XDH: variants seen among roughly 807,000 people sequenced by gnomAD.
XDH encodes the protein xanthine dehydrogenase/oxidase.
Under a neutral mutation model 156.1 loss-of-function variants are expected in XDH, and 138 were observed. The ratio of observed to expected loss-of-function variants is 0.88; its 90% confidence interval spans 0.77 to 1.02. The LOEUF (loss-of-function observed/expected upper bound fraction) is 1.02, where lower values mean the gene tolerates loss of function less well. XDH is among the 50% of genes least tolerant of loss of function. XDH has a pLI of 0.00. For synonymous variants in XDH, 669 were observed against 625.7 expected (o/e 1.07, Z -1.03); for missense variants, 1,849 against 1,684.9 (o/e 1.10, Z -1.71).
intron 7 of XDH, 81 bp from the exon 8 acceptor site, chr2:31,387,978 C>T (rs1051411010): frequency 6.9e-7 from 1 of 1,454,950 alleles, no homozygotes; most frequent in Admixed American, 2.0e-5. Flanking sequence ...CCTTTCCTTC[C>T]AGCAAGCTCA....
intron 4 of XDH, 26 bp from the exon 5 acceptor site, chr2:31,398,725 C>A (rs2148004182): frequency 6.2e-7 from 1 of 1,612,770 alleles, no homozygotes; most frequent in Non-Finnish European, 8.5e-7. Context: ...GACATAGACA[C>A]CTGGGATGGC....
Position 31,366,099 on chromosome 2 carries a change from G to T in XDH, c.2333C>A (p.Ala778Glu). Reference sequence around the variant, plus strand: ...GTTTGCTGGAACCCCCAACATTTTTGCAACAAAGCTCTGTGAGTGAAAGAC... The same window carrying T: ...GTTTGCTGGAACCCCCAACATTTTTTCAACAAAGCTCTGTGAGTGAAAGAC... ...QNTMKTQSFV[A>E]KMLGVPANRI... Residue 778 changes from alanine (A) to glutamate (E), a missense_variant, in exon 22 of 36, where the codon GCA becomes GAA. Transcript: ENST00000379416. 6.2e-7 allele frequency: 1 copy of T among 1,614,148 alleles called. No homozygotes were observed. Among genetic ancestry groups the T allele is most frequent in the Non-Finnish European group, 8.5e-7 (1 of 1,180,016 alleles).
intron 23 of XDH, among the ~76,000 whole-genome samples, chr2:31,364,690 T>C (rs924424167): frequency 6.6e-6 from 1 of 152,184 alleles, no homozygotes; most frequent in African/African-American, 2.4e-5. Context: ...TGACCTTATG[T>C]ACACTGTTAA....
rs776310713 is a variant in XDH, at chr2:31,346,860, C to T, written c.3277-17G>A. 6.2e-7 allele frequency: 1 copy of T among 1,613,898 alleles called. No individual in the cohort carries two copies. Among genetic ancestry groups the T allele is most frequent in the Admixed American group, 1.7e-5 (1 of 60,020 alleles). ...ACAAGCCGCCTAAAGTAAACACCCC[C>T]CACACCCCAGACACATCAGTCCTCT... On this transcript the variant is annotated splice_polypyrimidine_tract_variant and intron_variant, in intron 29 of 35. Coordinates refer to ENST00000379416, the MANE Select transcript of XDH (RefSeq NM_000379.4).
chr2:31,412,598 T>G (rs940346984), intron 1 of XDH, among the ~76,000 whole-genome samples: 1 of 152,160 alleles, frequency 6.6e-6, no homozygotes, highest in Non-Finnish European at 1.5e-5. Flanking sequence ...AGCCTGCACG[T>G]TGTCCACATG....
At position 31,386,511 on chromosome 2, in the gene XDH, C is replaced by T. The variant is rs778602903; in HGVS notation, c.696G>A (p.Glu232=). The part of the protein sequence containing the change: ...TPRKQLRFEG[E]RVTWIQASTL... ...TTGAGGCCTGTATCCACGTCACACG[C>T]TCCCCTTCAAATCGCAGCTGCTTCC... Residue 232 remains glutamate, a synonymous_variant, in exon 9 of 36, where the codon GAG becomes GAA. Coordinates refer to ENST00000379416, the MANE Select transcript of XDH (RefSeq NM_000379.4). The T allele has an allele frequency of 5.0e-6, 8 of 1,614,066 alleles. No homozygotes were observed. Among genetic ancestry groups the T allele is most frequent in the Non-Finnish European group, 5.9e-6 (7 of 1,180,034 alleles).
rs1014784878 is a variant in XDH at position 31,365,395 on chromosome 2, C to T, written c.2544+62G>A. ...GTGCAGCTCAGGATGCCTGGACATTCGGTCCCAGCTTTCCTCACAAAATGG... is the reference window on the plus strand; with the variant it reads ...GTGCAGCTCAGGATGCCTGGACATTTGGTCCCAGCTTTCCTCACAAAATGG... On this transcript the variant is annotated intron_variant, in intron 23 of 35. Transcript: ENST00000379416. 49 of 1,575,710 alleles carry T rather than the reference C, an allele frequency of 3.1e-5. No individual in the cohort carries two copies. The African/African-American group carries it at 3.9e-4, about 13-fold the overall frequency.
In XDH at chr2:31,386,569, T is replaced by G. The variant is rs1457225947; in HGVS notation, c.652-14A>C. 2 of 1,614,138 alleles carry G rather than the reference T, an allele frequency of 1.2e-6. No homozygotes were observed. The highest frequency in any genetic ancestry group is 4.5e-5 in the East Asian group (2 of 44,872). On this transcript the variant is annotated splice_polypyrimidine_tract_variant and intron_variant, in intron 8 of 35. Coordinates refer to ENST00000379416, the MANE Select transcript of XDH (RefSeq NM_000379.4). Reference sequence around the variant, plus strand: ...GTCTTTCAGCCTCTGGGAAATGCAGTTTTCTTACTACACTGTCTCCCTCTT... The same window carrying G: ...GTCTTTCAGCCTCTGGGAAATGCAGGTTTCTTACTACACTGTCTCCCTCTT...
rs1450699848 is a variant in XDH, at chr2:31,339,484, G to C, written c.3774+5C>G. The C allele has an allele frequency of 1.9e-6, 3 of 1,613,932 alleles. No individual in the cohort carries two copies. Among genetic ancestry groups the C allele is most frequent in the East Asian group, 4.5e-5 (2 of 44,856 alleles). On this transcript the variant is annotated splice_donor_5th_base_variant and intron_variant, in intron 34 of 35. Coordinates refer to ENST00000379416, the MANE Select transcript of XDH (RefSeq NM_000379.4). ...AGAGACAGCACAGAGCCAGAGCAAT[G>C]GTACCTTCGATGCATAGATGGCCTT...
chr2:31,340,877 TTCCACCAC>T, intron 33 of XDH, among the ~76,000 whole-genome samples: 1 of 152,294 alleles, frequency 6.6e-6, no homozygotes, highest in East Asian at 1.9e-4. Context: ...TCCCAGGGCC[TTCCACCAC>T]TCCATGTTTG....
chr2:31,383,453 T>G (rs1460039344), intron 10 of XDH, among the ~76,000 whole-genome samples: 1 of 152,200 alleles, frequency 6.6e-6, no homozygotes, highest in East Asian at 1.9e-4. Flanking sequence ...CCTAGCATTC[T>G]TTTTAAAAGC....
intron 26 of XDH, 34 bp from the exon 27 acceptor site, chr2:31,349,014 G>A (rs200512025): frequency 3.8e-5 from 60 of 1,582,492 alleles, no homozygotes; most frequent in East Asian, 6.7e-5. Flanking sequence ...TAGAACCTTC[G>A]CTATCATATT....
At chr2:31,383,910 C>T in intron 9 of XDH, 63 bp from the exon 10 acceptor site, 1 of 1,405,480 alleles carries the variant, frequency 7.1e-7, no homozygotes, top group African/African-American at 1.4e-5. Context: ...CAGGCCTTAG[C>T]AGCTTTTCTC....
At chr2:31,400,001 G>A (rs890010127) in intron 4 of XDH, among the ~76,000 whole-genome samples, 18 of 151,906 alleles carry the variant, frequency 1.2e-4, no homozygotes, top group South Asian at 6.2e-4. Flanking sequence ...ACCCTCTCAC[G>A]TCTCCTTCAG....
At chr2:31,398,484 C>A (rs1307608163) in intron 5 of XDH, 89 bp downstream of exon 5, 2 of 1,603,044 alleles carry the variant, frequency 1.2e-6, no homozygotes, top group Non-Finnish European at 1.7e-6. Flanking sequence ...AAGGGTAGTC[C>A]CTCATGCTTC....
At chr2:31,384,171 A>G (rs761051667) in intron 9 of XDH, 1 of 192,392 alleles carries the variant, frequency 5.2e-6, no homozygotes, top group Non-Finnish European at 1.0e-5. Flanking sequence ...TACATTAGAA[A>G]ACACAGGAAA....
In XDH at chr2:31,335,782, A is replaced by C. The variant is rs1209695779; in HGVS notation, c.*176T>G. 2.8e-6 allele frequency: 2 copies of C among 725,034 alleles called. No homozygotes were observed. The highest frequency in any genetic ancestry group is 4.8e-6 in the Non-Finnish European group (2 of 418,928). The allele number at this position is 725,034 out of a possible 1,614,324, so 44.9% of individuals were successfully genotyped here. A position where few individuals can be genotyped will look rare whatever the true frequency, so the allele number is the denominator to read the frequency against. ...TGAATTTGCTTATCATTGTGTTTAC[A>C]AATTACATTTTTGATCAAAATCTTC... On this transcript the variant is annotated 3_prime_UTR_variant, in exon 36 of 36. Coordinates refer to ENST00000379416, the MANE Select transcript of XDH (RefSeq NM_000379.4).
At chr2:31,411,741 G>T (rs1401984643) in intron 1 of XDH, among the ~76,000 whole-genome samples, 1 of 152,220 alleles carries the variant, frequency 6.6e-6, no homozygotes, top group Non-Finnish European at 1.5e-5. Context: ...TATCCAAGAA[G>T]AGCATCTCAT....
rs760337677 is a variant in XDH, at chr2:31,372,318, C to A, written c.1766G>T (p.Gly589Val). Reference sequence around the variant, plus strand: ...AATGTCGTCACAGTACACGGCCTCACCAGAGGCCTGCATGTCCGCTGCCAG... The same window carrying A: ...AATGTCGTCACAGTACACGGCCTCAACAGAGGCCTGCATGTCCGCTGCCAG... ...PHLAADMQAS[G>V]EAVYCDDIPR... Residue 589 changes from glycine to valine, a missense_variant, in exon 17 of 36, where the codon GGT becomes GTT. By Grantham distance (109) the Gly-to-Val change is moderately radical (BLOSUM62 -3). Transcript: ENST00000379416. The A allele has an allele frequency of 6.2e-7, 1 of 1,614,216 alleles. No individual in the cohort carries two copies. The highest frequency in any genetic ancestry group is 2.2e-5 in the East Asian group (1 of 44,878).
Sources: allele counts gnomAD v4.1 joint callset (sites outside exome capture counted in the v4.1 genomes callset), GRCh38; gene constraint gnomAD v4.1.1; transcripts MANE v1.5; gene names NCBI Gene and HGNC (gene_info 2026-07-23, HGNC 2026-07-21).